Variants in DLGAP2 observed in about 807,000 individuals in gnomAD.
The protein encoded by DLGAP2 is DLG associated protein 2.
A neutral mutation model predicts 100.3 loss-of-function variants in DLGAP2; 26 were observed. That is an observed-to-expected ratio of 0.26 (90% CI 0.19 to 0.36). The LOEUF (loss-of-function observed/expected upper bound fraction) is 0.36, where lower values mean the gene tolerates loss of function less well. Ranked by LOEUF, DLGAP2 falls within the 10% of genes least tolerant of loss-of-function variation. The pLI is 1.00. For synonymous variants in DLGAP2, 886 were observed against 630.1 expected, an observed-to-expected ratio of 1.41 and a Z score of -6.08; for missense variants, 1,858 against 1,453.2, an observed-to-expected ratio of 1.28 and a Z score of -4.53.
At chr8:1,452,967 G>A (rs73672710) in intron 3 of DLGAP2, among the ~76,000 whole-genome samples, 177 of 152,344 alleles carry the variant, frequency 1.2e-3, no homozygotes, top group African/African-American at 4.0e-3. Context: ...CGGGCGGCAG[G>A]TGTTATGGAT....
At chr8:1,067,332 C>G (rs1803285866) in intron 2 of DLGAP2, among the ~76,000 whole-genome samples, 1 of 152,202 alleles carries the variant, frequency 6.6e-6, no homozygotes, top group Non-Finnish European at 1.5e-5. Flanking sequence ...TTTGGGTTTT[C>G]TGACCTGTTG....
intron 2 of DLGAP2, among the ~76,000 whole-genome samples, chr8:987,982 A>G (rs1298576706): frequency 6.6e-6 from 1 of 152,136 alleles, no homozygotes; most frequent in East Asian, 1.9e-4. Flanking sequence ...ATCCATCAAA[A>G]CAAGTCTGGT....
At chr8:784,667 T>C (rs1821789219) in intron 1 of DLGAP2, among the ~76,000 whole-genome samples, 2 of 152,180 alleles carry the variant, frequency 1.3e-5, no homozygotes, top group South Asian at 4.1e-4. Flanking sequence ...TGGGGAGGAA[T>C]TTAAGATGTG....
intron 3 of DLGAP2, among the ~76,000 whole-genome samples, chr8:1,274,695 CTTTTTTTTTTTTTTT>C (rs145930765): frequency 0.029 from 653 of 22,222 alleles, 25 homozygotes; most frequent in African/African-American, 0.14. Flanking sequence ...TTTCATTTAT[CTTTTTTTTTTTTTTT>C]TTTTTTTTTT....
chr8:783,350 T>G (rs563619019), intron 1 of DLGAP2, among the ~76,000 whole-genome samples: 1 of 152,342 alleles, frequency 6.6e-6, no homozygotes, highest in East Asian at 1.9e-4. Flanking sequence ...ATTTCTTTCT[T>G]CTGTCTTGGT....
At chr8:987,497 C>T (rs1337656971) in intron 2 of DLGAP2, among the ~76,000 whole-genome samples, 1 of 152,134 alleles carries the variant, frequency 6.6e-6, no homozygotes, top group Non-Finnish European at 1.5e-5. Flanking sequence ...ACAGTTCTGC[C>T]GGACGCCCCC....
intron 8 of DLGAP2, among the ~76,000 whole-genome samples, chr8:1,641,233 C>G (rs557151512): frequency 1.1e-4 from 17 of 152,292 alleles, no homozygotes; most frequent in African/African-American, 3.4e-4. Flanking sequence ...GAGCGTGATG[C>G]AGATAAATCG....
At chr8:1,105,393 C>T (rs1187905659) in intron 2 of DLGAP2, among the ~76,000 whole-genome samples, 2 of 152,126 alleles carry the variant, frequency 1.3e-5, no homozygotes, top group African/African-American at 4.8e-5. Flanking sequence ...GGAACAGGTT[C>T]CCCGCATTCT....
chr8:995,112 T>A (rs1800749075), intron 2 of DLGAP2, among the ~76,000 whole-genome samples: 1 of 152,176 alleles, frequency 6.6e-6, no homozygotes, highest in African/African-American at 2.4e-5. Flanking sequence ...CATAAAATTG[T>A]TTTTATTGCC....
At chr8:1,460,335 A>G (rs1798438889) in intron 3 of DLGAP2, among the ~76,000 whole-genome samples, 2 of 152,254 alleles carry the variant, frequency 1.3e-5, no homozygotes, top group Non-Finnish European at 1.5e-5. Flanking sequence ...AAACTAAACC[A>G]CGGGCTCTGA....
chr8:1,558,684 C>T (rs890409783), intron 5 of DLGAP2, among the ~76,000 whole-genome samples: 2 of 151,272 alleles, frequency 1.3e-5, no homozygotes, highest in African/African-American at 4.9e-5. Flanking sequence ...CATGCACACC[C>T]GTATACCTGC....
chr8:1,268,964 T>C (rs896881121), intron 3 of DLGAP2, among the ~76,000 whole-genome samples: 9 of 152,168 alleles, frequency 5.9e-5, no homozygotes, highest in African/African-American at 2.2e-4. Context: ...TGCAGCTGAT[T>C]CTGCAGGTAG....
At chr8:1,152,459 A>T (rs948435433) in intron 2 of DLGAP2, among the ~76,000 whole-genome samples, 1 of 152,078 alleles carries the variant, frequency 6.6e-6, no homozygotes, top group Admixed American at 6.5e-5. Context: ...TGACTGGAAG[A>T]CTCTTCCTTC....
chr8:1,264,470 T>C (rs1004456169), intron 3 of DLGAP2, among the ~76,000 whole-genome samples: 6 of 152,116 alleles, frequency 3.9e-5, no homozygotes, highest in African/African-American at 1.2e-4. Context: ...GATATAAAGT[T>C]ACCAATGAGA....
chr8:1,296,900 TCTGTGTAGG>T (rs1211352722), intron 3 of DLGAP2: 1 of 152,598 alleles, frequency 6.6e-6, no homozygotes, highest in Non-Finnish European at 1.5e-5. Context: ...GAATCCTGAG[TCTGTGTAGG>T]CTGTGTGGCA....
chr8:1,450,607 C>T lies in DLGAP2; in HGVS notation c.107-50759C>T, dbSNP rs1341344194. Among the ~76,000 whole-genome samples the T allele has an allele frequency of 3.3e-5, 5 of 152,002 alleles. No individual in the cohort carries two copies. In the East Asian group the frequency reaches 9.7e-4, roughly 29 times the overall value. ...TGGCCCCAGGGCTACTTCCTCCTGCCTACCTTTTTTCCTTTCCAAACTTTG... is the reference window on the plus strand; with the variant it reads ...TGGCCCCAGGGCTACTTCCTCCTGCTTACCTTTTTTCCTTTCCAAACTTTG... On this transcript the variant is annotated intron_variant, in intron 3 of 14. Transcript: ENST00000637795.
chr8:1,137,774 C>G (rs1272806780), intron 2 of DLGAP2: 1 of 152,190 alleles, frequency 6.6e-6, no homozygotes, highest in Middle Eastern at 3.2e-3. Context: ...CAGTTACAAC[C>G]TGGTTCCCAG....
At chr8:1,194,173 A>G (rs954112892) in intron 2 of DLGAP2, among the ~76,000 whole-genome samples, 1 of 152,076 alleles carries the variant, frequency 6.6e-6, no homozygotes, top group African/African-American at 2.4e-5. Context: ...GGGAATTTTA[A>G]AGAAGAAACT....
At chr8:1,383,833 G>C (rs1796150482) in intron 3 of DLGAP2, among the ~76,000 whole-genome samples, 1 of 152,224 alleles carries the variant, frequency 6.6e-6, no homozygotes, top group Non-Finnish European at 1.5e-5. Context: ...CTTTCCAGCA[G>C]AGTAAACTAA....
Sources: allele counts gnomAD v4.1 joint callset (sites outside exome capture counted in the v4.1 genomes callset), GRCh38; gene constraint gnomAD v4.1.1; transcripts MANE v1.5; gene names NCBI Gene and HGNC (gene_info 2026-07-23, HGNC 2026-07-21).